The following ATG7 variants were observed in gnomAD, a reference collection of about 807,000 sequenced individuals.
ATG7 encodes the protein ubiquitin-like modifier-activating enzyme ATG7.
In ATG7, 70 loss-of-function variants were observed where a neutral mutation model predicts 82.4. The observed-to-expected ratio is 0.85, with a 90% CI of 0.70 to 1.04. ATG7 has a LOEUF of 1.04. Ranked by LOEUF, ATG7 falls within the 50% of genes least tolerant of loss-of-function variation. The pLI, the probability that ATG7 is intolerant of heterozygous loss-of-function variation, is 0.00. For synonymous variants in ATG7, 287 were observed against 313.0 expected (o/e 0.92, Z 0.88); for missense variants, 792 against 864.3 (o/e 0.92, Z 1.05).
At chr3:11,573,448 C>A in the ATG7 span, among the ~76,000 whole-genome samples, 8 of 152,294 alleles carry the variant, frequency 5.3e-5, no homozygotes, top group African/African-American at 1.4e-4. Flanking sequence ...GTGCTGGGGA[C>A]AGGGCTTCTG....
intron 20 of ATG7, among the ~76,000 whole-genome samples, chr3:11,443,147 C>T (rs963264433): frequency 2.6e-5 from 4 of 152,180 alleles, no homozygotes; most frequent in African/African-American, 9.7e-5. Context: ...CATGCACTCC[C>T]TCTGGGCCAC....
intron 19 of ATG7, among the ~76,000 whole-genome samples, chr3:11,390,445 A>G (rs2078705327): frequency 1.3e-5 from 2 of 152,242 alleles, no homozygotes; most frequent in South Asian, 4.1e-4. Context: ...ATAGGCGCTG[A>G]AAGTATACCT....
chr3:11,475,430 C>T lies in ATG7; in HGVS notation c.2079+48504C>T, dbSNP rs151236290. 3.4e-3 allele frequency among the ~76,000 whole-genome samples: 523 copies of T among 152,146 alleles called. 3 individuals are homozygous for T. The highest frequency in any genetic ancestry group is 0.012 in the African/African-American group (500 of 41,490). On this transcript the variant is annotated intron_variant, in intron 20 of 20. Transcript: ENST00000693202. ...AGCTGCATGATGGGCAGGGGGCTGG[C>T]GAGATGCGTCAGGATTCACATGGCA... is the stretch of plus-strand genomic sequence containing the variant.
intron 18 of ATG7, among the ~76,000 whole-genome samples, chr3:11,376,852 C>T (rs2077453046): frequency 1.3e-5 from 2 of 152,182 alleles, no homozygotes; most frequent in Admixed American, 1.3e-4. Flanking sequence ...CATTCTCCTG[C>T]CTCAGCCTCC....
chr3:11,519,795 T>TCAG, intron 20 of ATG7, among the ~76,000 whole-genome samples: 3 of 151,998 alleles, frequency 2.0e-5, no homozygotes, highest in Non-Finnish European at 4.4e-5. Flanking sequence ...TCTCCTGACC[T>TCAG]TGTGATCCGC....
rs574523805 is a variant in ATG7 at position 11,519,539 on chromosome 3, G to GTTTT, written c.2080-35237_2080-35234dup. Among the ~76,000 whole-genome samples the GTTTT allele has an allele frequency of 1.8e-4, 11 of 62,210 alleles. 3 individuals carry two copies. The highest frequency in any genetic ancestry group is 8.9e-4 in the South Asian group (1 of 1,120). 40.8% of individuals were successfully genotyped at this position (62,210 alleles called of 152,430 possible). A position where few individuals can be genotyped will look rare whatever the true frequency, so the allele number is the denominator to read the frequency against. On this transcript the variant is annotated intron_variant, in intron 20 of 20. Transcript: ENST00000693202. ...TCATGAAAGGCAGGCAGTGAGAGGA[G>GTTTT]TTTTTTTTTTTTTTTTTTTTTTTTT...
intron 14 of ATG7, among the ~76,000 whole-genome samples, chr3:11,348,987 T>G (rs996632311): frequency 6.6e-6 from 1 of 152,078 alleles, no homozygotes; most frequent in Admixed American, 6.5e-5. Flanking sequence ...CTGGTGAGTT[T>G]TTACAGAGTG....
At chr3:11,474,248 C>G (rs2087869166) in intron 20 of ATG7, among the ~76,000 whole-genome samples, 3 of 152,200 alleles carry the variant, frequency 2.0e-5, no homozygotes, top group Admixed American at 2.0e-4. Context: ...GCCTACTTTT[C>G]TAGTTCTATA....
intron 20 of ATG7, among the ~76,000 whole-genome samples, chr3:11,506,897 T>C (rs2091763360): frequency 6.6e-6 from 1 of 152,190 alleles, no homozygotes; most frequent in Non-Finnish European, 1.5e-5. Context: ...TGCCATTCCC[T>C]AGGTAAGGAT....
intron 3 of ATG7, among the ~76,000 whole-genome samples, chr3:11,293,575 G>A (rs941390218): frequency 6.7e-6 from 1 of 148,972 alleles, no homozygotes; most frequent in East Asian, 2.0e-4. Flanking sequence ...TGGCCGGGCG[G>A]GGTGGCTCAC....
At chr3:11,477,577 A>G (rs760213753) in intron 20 of ATG7, among the ~76,000 whole-genome samples, 1 of 152,236 alleles carries the variant, frequency 6.6e-6, no homozygotes, top group Non-Finnish European at 1.5e-5. Flanking sequence ...TTTAGTCACT[A>G]TAGAAGTTAG....
the ATG7 span, among the ~76,000 whole-genome samples, chr3:11,567,782 A>G: frequency 2.9e-4 from 44 of 152,322 alleles, no homozygotes; most frequent in African/African-American, 8.2e-4. Context: ...CAGTGTCACC[A>G]CACATCCTCA....
chr3:11,514,575 G>T (rs1203625043), intron 20 of ATG7, among the ~76,000 whole-genome samples: 1 of 152,262 alleles, frequency 6.6e-6, no homozygotes, highest in Non-Finnish European at 1.5e-5. Flanking sequence ...CATGGCGCTA[G>T]CCAGCTCTAT....
intron 9 of ATG7, among the ~76,000 whole-genome samples, chr3:11,316,135 C>T (rs1034330191): frequency 2.6e-5 from 4 of 152,132 alleles, no homozygotes; most frequent in African/African-American, 7.2e-5. Flanking sequence ...CCCCTCATAT[C>T]ACACTCCTGG....
chr3:11,409,581 G>A (rs912085246), intron 19 of ATG7, among the ~76,000 whole-genome samples: 2 of 151,784 alleles, frequency 1.3e-5, no homozygotes, highest in African/African-American at 2.4e-5. Context: ...ATAAGTTGAT[G>A]AGCATCTGTT....
the ATG7 span, chr3:11,564,800 C>T: frequency 3.9e-6 from 6 of 1,553,824 alleles, no homozygotes; most frequent in African/African-American, 6.8e-5. Flanking sequence ...GGCCCACCTG[C>T]TGCCGCTCCC....
chr3:11,565,132 T>C, the ATG7 span: 7 of 1,099,850 alleles, frequency 6.4e-6, no homozygotes, highest in Admixed American at 8.2e-5. This position sits in a 1 kb window ranked among gnomAD's most constrained non-coding sequence, Gnocchi z 4.1. Context: ...GAAGCTCAGG[T>C]CGTGTGGCTG....
At chr3:11,471,740 G>C (rs2087545726) in intron 20 of ATG7, among the ~76,000 whole-genome samples, 1 of 40,626 alleles carries the variant, frequency 2.5e-5, no homozygotes, top group African/African-American at 1.2e-4. Context: ...TGGCTTTTTA[G>C]ATTTCTTTTT....
At chr3:11,471,642 A>G (rs1232706794) in intron 20 of ATG7, among the ~76,000 whole-genome samples, 2 of 150,454 alleles carry the variant, frequency 1.3e-5, no homozygotes, top group African/African-American at 4.9e-5. Flanking sequence ...GTCAAATGGT[A>G]TAAGAAATGC....
Sources: gnomAD v4.1 joint callset for allele counts (sites outside exome capture counted in the v4.1 genomes callset) on GRCh38, gnomAD v4.1.1 for gene constraint, Gnocchi (gnomAD v3.1) non-coding constraint, MANE v1.5 for transcripts, NCBI Gene and HGNC (gene_info 2026-07-23, HGNC 2026-07-21) for gene names.